The following PLEKHA5 variants were observed in gnomAD, a reference collection of about 807,000 sequenced individuals.
The protein encoded by PLEKHA5 is pleckstrin homology domain containing A5, also known as pleckstrin homology domain-containing family A member 5.
Under a neutral mutation model 181.9 loss-of-function variants are expected in PLEKHA5, and 55 were observed. The ratio of observed to expected loss-of-function variants is 0.30; its 90% CI spans 0.24 to 0.38. The LOEUF (loss-of-function observed/expected upper bound fraction) is 0.38, where lower values mean the gene tolerates loss of function less well. Among genes scored for constraint, PLEKHA5 ranks in the 10% least tolerant of loss-of-function variants. The pLI is 1.00. For missense variants in PLEKHA5, 1,432 were observed against 1,549.5 expected, an observed-to-expected ratio of 0.92 and a Z score of 1.27; for synonymous variants, 535 against 529.4, an observed-to-expected ratio of 1.01 and a Z score of -0.15.
At chr12:19,374,988 AAGG>A (rs1212758376) in intron 31 of PLEKHA5, among the ~76,000 whole-genome samples, 4 of 151,388 alleles carry the variant, frequency 2.6e-5, no homozygotes, top group African/African-American at 4.9e-5. Context: ...TAATGAAGAG[AAGG>A]AGGAGGAGGA....
At chr12:19,191,413 T>C (rs1382808282) in intron 3 of PLEKHA5, among the ~76,000 whole-genome samples, 1 of 152,254 alleles carries the variant, frequency 6.6e-6, no homozygotes, top group Admixed American at 6.5e-5. Context: ...TTGAGTGTTG[T>C]TGAATGAACA....
chr12:19,176,903 C>T (rs113961943), intron 3 of PLEKHA5, among the ~76,000 whole-genome samples: 3,131 of 152,082 alleles, frequency 0.021, 121 homozygotes, highest in African/African-American at 0.072. Flanking sequence ...CTCACTCTGT[C>T]GCCAGGCTGG....
chr12:19,216,449 G>C (rs1035807107), intron 3 of PLEKHA5, among the ~76,000 whole-genome samples: 1 of 152,080 alleles, frequency 6.6e-6, no homozygotes, highest in Non-Finnish European at 1.5e-5. Flanking sequence ...GATCATTTGA[G>C]GTCAGGAGTT....
At chr12:19,282,502 A>T (rs1478209858) in intron 11 of PLEKHA5, among the ~76,000 whole-genome samples, 1 of 152,232 alleles carries the variant, frequency 6.6e-6, no homozygotes, top group Non-Finnish European at 1.5e-5. Flanking sequence ...AAATAACCAT[A>T]CTTCCTGAAA....
At chr12:19,233,786 G>T (rs1398966103) in intron 3 of PLEKHA5, among the ~76,000 whole-genome samples, 1 of 152,148 alleles carries the variant, frequency 6.6e-6, no homozygotes, top group Non-Finnish European at 1.5e-5. Context: ...GCCCTCACTG[G>T]ATTTTTTCTG....
intron 25 of PLEKHA5, among the ~76,000 whole-genome samples, chr12:19,353,382 C>G (rs772167939): frequency 2.6e-5 from 4 of 152,054 alleles, no homozygotes; most frequent in Non-Finnish European, 5.9e-5. Context: ...GTCTTGAACT[C>G]CTGAGTTCAG....
chr12:19,316,260 G>A (rs1196570819), intron 16 of PLEKHA5, among the ~76,000 whole-genome samples: 1 of 152,126 alleles, frequency 6.6e-6, no homozygotes, highest in East Asian at 1.9e-4. Context: ...TTTTAGATGA[G>A]AATGGTAGCC....
rs527715051 is a variant in PLEKHA5 at position 19,329,341 on chromosome 12, T to C, written c.2448+6674T>C. On this transcript the variant is annotated intron_variant, in intron 20 of 31. Coordinates refer to ENST00000429027, the MANE Select transcript of PLEKHA5 (RefSeq NM_001256470.2). ...ACCAAGTTTTGGTATGAGGGTGATGTTGGCTTCATAGAATGAGTTAAAGAG... is the reference window on the plus strand; with the variant it reads ...ACCAAGTTTTGGTATGAGGGTGATGCTGGCTTCATAGAATGAGTTAAAGAG... Among the ~76,000 whole-genome samples the C allele has an allele frequency of 6.6e-5, 10 of 152,298 alleles. No individual in the cohort carries two copies. The South Asian group carries it at 2.1e-3, about 32-fold the overall frequency.
chr12:19,315,988 T>G (rs1466175093), intron 16 of PLEKHA5, among the ~76,000 whole-genome samples: 1 of 152,072 alleles, frequency 6.6e-6, no homozygotes, highest in Non-Finnish European at 1.5e-5. Flanking sequence ...ATATTTAAAG[T>G]TAAACAGCTT....
intron 7 of PLEKHA5, among the ~76,000 whole-genome samples, chr12:19,263,283 T>C (rs994051957): frequency 2.6e-5 from 4 of 152,144 alleles, no homozygotes; most frequent in Non-Finnish European, 5.9e-5. Context: ...GAATCTTATG[T>C]TCATTGCACG....
chr12:19,212,519 T>G (rs1329791610), intron 3 of PLEKHA5, among the ~76,000 whole-genome samples: 1 of 151,814 alleles, frequency 6.6e-6, no homozygotes, highest in Non-Finnish European at 1.5e-5. Flanking sequence ...CATCTCTGCT[T>G]AAAATACAAA....
At chr12:19,154,074 A>C (rs2041101919) in intron 3 of PLEKHA5, 1 of 152,176 alleles carries the variant, frequency 6.6e-6, no homozygotes, top group Non-Finnish European at 1.5e-5. Context: ...TGTTCTGTTA[A>C]GTGTAGAATA....
chr12:19,335,322 C>T (rs1277849576), intron 20 of PLEKHA5, among the ~76,000 whole-genome samples: 1 of 151,632 alleles, frequency 6.6e-6, no homozygotes, highest in Admixed American at 6.6e-5. Flanking sequence ...CGAGAACCAC[C>T]ACACCCAGCC....
intron 8 of PLEKHA5, among the ~76,000 whole-genome samples, chr12:19,268,163 T>A (rs2071188540): frequency 6.6e-6 from 1 of 152,142 alleles, no homozygotes; most frequent in Non-Finnish European, 1.5e-5. Flanking sequence ...CAGAGAAACA[T>A]AATTAAGTAT....
At chr12:19,186,891 A>G (rs1591984001) in intron 3 of PLEKHA5, among the ~76,000 whole-genome samples, 1 of 152,206 alleles carries the variant, frequency 6.6e-6, no homozygotes, top group East Asian at 1.9e-4. Context: ...CAGAAGGTCG[A>G]GGAATAACAA....
At chr12:19,209,706 G>A (rs1219986482) in intron 3 of PLEKHA5, among the ~76,000 whole-genome samples, 1 of 152,192 alleles carries the variant, frequency 6.6e-6, no homozygotes, top group South Asian at 2.1e-4. Context: ...ACCAAGAGGT[G>A]GAAGTGGTTT....
intron 3 of PLEKHA5, among the ~76,000 whole-genome samples, chr12:19,187,941 G>A (rs1259916152): frequency 2.0e-4 from 30 of 152,214 alleles, no homozygotes; most frequent in Non-Finnish European, 1.0e-4. Flanking sequence ...AGTGGTGGCT[G>A]ACCAAGCTTC....
intron 8 of PLEKHA5, among the ~76,000 whole-genome samples, chr12:19,267,379 C>T (rs371190652): frequency 6.6e-6 from 1 of 152,120 alleles, no homozygotes; most frequent in African/African-American, 2.4e-5. Flanking sequence ...ATGAGCAGGC[C>T]GGGCACAGGG....
chr12:19,315,225 A>G (rs2088132495), intron 16 of PLEKHA5, among the ~76,000 whole-genome samples: 1 of 152,198 alleles, frequency 6.6e-6, no homozygotes, highest in African/African-American at 2.4e-5. Flanking sequence ...CTTTAAAAGC[A>G]TTATACCTAT....
Sources: allele counts gnomAD v4.1 joint callset (sites outside exome capture counted in the v4.1 genomes callset), GRCh38; gene constraint gnomAD v4.1.1; transcripts MANE v1.5; gene names NCBI Gene and HGNC (gene_info 2026-07-23, HGNC 2026-07-21).